The following NEDD4L variants were observed in gnomAD, a reference collection of about 807,000 sequenced individuals.
The protein encoded by NEDD4L is E3 ubiquitin-protein ligase NEDD4-like.
NEDD4L carries 54 observed loss-of-function variants against 148.9 expected under a neutral mutation model. That is an observed-to-expected ratio of 0.36 (90% CI 0.29 to 0.45). The LOEUF (loss-of-function observed/expected upper bound fraction) is 0.45, where lower values mean the gene tolerates loss of function less well. Among genes scored for constraint, NEDD4L ranks in the 20% least tolerant of loss-of-function variants. The pLI is 1.00. For missense variants in NEDD4L, 856 were observed against 1,233.8 expected (o/e 0.69, Z 4.59); for synonymous variants, 433 against 440.7 (o/e 0.98, Z 0.22).
At chr18:58,310,443 G>A (rs1425665246) in intron 5 of NEDD4L, among the ~76,000 whole-genome samples, 2 of 152,226 alleles carry the variant, frequency 1.3e-5, no homozygotes, top group East Asian at 1.9e-4. Context: ...AATTTTGGTA[G>A]GAGTATGTGC....
chr18:58,116,265 C>A (rs529445), intron 1 of NEDD4L, among the ~76,000 whole-genome samples: 39,319 of 152,156 alleles, frequency 0.26, 6,332 homozygotes, highest in African/African-American at 0.45. Context: ...ACCAAATCAA[C>A]CACAAAATCA....
At chr18:58,111,128 C>A (rs2085395453) in intron 1 of NEDD4L, among the ~76,000 whole-genome samples, 1 of 152,204 alleles carries the variant, frequency 6.6e-6, no homozygotes, top group African/African-American at 2.4e-5. Flanking sequence ...AGTGGAGTGG[C>A]ACAATCTCGG....
intron 1 of NEDD4L, chr18:58,149,372 T>C (rs2034432712): frequency 7.0e-7 from 1 of 1,436,488 alleles, no homozygotes. Context: ...ACTGCTTTCC[T>C]GGGAGTCAAG....
intron 2 of NEDD4L, chr18:58,195,563 C>G: frequency 7.5e-7 from 1 of 1,339,280 alleles, no homozygotes; most frequent in Non-Finnish European, 9.8e-7. Flanking sequence ...CGGTGCCTCC[C>G]CAGCACGGCA....
intron 5 of NEDD4L, among the ~76,000 whole-genome samples, chr18:58,271,439 C>G (rs977407446): frequency 6.6e-6 from 1 of 152,160 alleles, no homozygotes; most frequent in Admixed American, 6.5e-5. Context: ...AAAGGCCAAA[C>G]CAAGATCACT....
chr18:58,291,045 G>A (rs569744819), intron 5 of NEDD4L, among the ~76,000 whole-genome samples: 23 of 151,862 alleles, frequency 1.5e-4, no homozygotes, highest in Non-Finnish European at 2.5e-4. Flanking sequence ...GAACCAGGCC[G>A]ACCGACCCAC....
intron 1 of NEDD4L, among the ~76,000 whole-genome samples, chr18:58,084,641 G>C (rs1329483401): frequency 1.3e-5 from 2 of 149,726 alleles, no homozygotes; most frequent in African/African-American, 4.9e-5. Context: ...TGGCCACCTG[G>C]CCACCTTCTC....
At chr18:58,057,486 A>C (rs945996529) in intron 1 of NEDD4L, among the ~76,000 whole-genome samples, 3 of 152,114 alleles carry the variant, frequency 2.0e-5, no homozygotes, top group African/African-American at 7.2e-5. Context: ...CCAGGGTGAG[A>C]ATCTCGCTTG....
At chr18:58,370,585 C>A (rs2046730070) in intron 23 of NEDD4L, 118 bp downstream of exon 23, 1 of 708,684 alleles carries the variant, frequency 1.4e-6, no homozygotes, top group Admixed American at 2.1e-5. Flanking sequence ...TCCATGTGAA[C>A]AACAGGAGAC....
intron 2 of NEDD4L, among the ~76,000 whole-genome samples, chr18:58,211,607 T>G (rs990265400): frequency 3.3e-5 from 5 of 152,246 alleles, no homozygotes; most frequent in African/African-American, 1.2e-4. Flanking sequence ...GTGGGTTTTC[T>G]CTTTAATTGA....
chr18:58,298,319 T>C (rs1372920103), intron 5 of NEDD4L, among the ~76,000 whole-genome samples: 1 of 152,218 alleles, frequency 6.6e-6, no homozygotes, highest in Non-Finnish European at 1.5e-5. Context: ...ATACAGATAG[T>C]ATTCTGGGAA....
chr18:58,072,796 C>G (rs1047592870), intron 1 of NEDD4L, among the ~76,000 whole-genome samples: 6 of 151,482 alleles, frequency 4.0e-5, no homozygotes, highest in African/African-American at 1.2e-4. Flanking sequence ...TGGAATAGAA[C>G]TATAACTAGA....
intron 1 of NEDD4L, among the ~76,000 whole-genome samples, chr18:58,127,757 T>C (rs967185087): frequency 4.8e-5 from 7 of 145,016 alleles, no homozygotes; most frequent in Non-Finnish European, 7.4e-5. Flanking sequence ...AGGAGAATGG[T>C]GTGAACACGG....
chr18:58,089,833 T>A (rs2083964898), intron 1 of NEDD4L, among the ~76,000 whole-genome samples: 1 of 146,046 alleles, frequency 6.8e-6, no homozygotes, highest in South Asian at 2.2e-4. Context: ...TGTCCAAACT[T>A]CCTTTTCCTT....
chr18:58,079,172 T>C (rs1444824932), intron 1 of NEDD4L, among the ~76,000 whole-genome samples: 2 of 152,176 alleles, frequency 1.3e-5, no homozygotes, highest in Non-Finnish European at 2.9e-5. Context: ...GTTCCGGGGT[T>C]TAATTACGAT....
intron 3 of NEDD4L, among the ~76,000 whole-genome samples, chr18:58,246,020 A>G (rs2047225700): frequency 6.6e-6 from 1 of 151,538 alleles, no homozygotes; most frequent in South Asian, 2.1e-4. Context: ...TATATACTGT[A>G]TTTTCATTTT....
intron 1 of NEDD4L, among the ~76,000 whole-genome samples, chr18:58,118,722 G>T (rs2086023473): frequency 6.6e-6 from 1 of 152,126 alleles, no homozygotes; most frequent in African/African-American, 2.4e-5. Context: ...AATCACTAGA[G>T]CGAAGAGAAG....
At chr18:58,247,289 T>A (rs1450396767) in intron 3 of NEDD4L, 1 of 152,150 alleles carries the variant, frequency 6.6e-6, no homozygotes. Context: ...CCACTTGGCA[T>A]TGGGACTGGC....
At chr18:58,354,756 A>C (rs895601196) in intron 18 of NEDD4L, among the ~76,000 whole-genome samples, 4 of 152,222 alleles carry the variant, frequency 2.6e-5, no homozygotes, top group African/African-American at 9.6e-5. Context: ...GTGTTAGAGG[A>C]GTGAATCAGT....
Sources: gnomAD v4.1 joint callset for allele counts (sites outside exome capture counted in the v4.1 genomes callset) on GRCh38, gnomAD v4.1.1 for gene constraint, MANE v1.5 for transcripts, NCBI Gene and HGNC (gene_info 2026-07-23, HGNC 2026-07-21) for gene names.